CUL7: variants seen among roughly 807,000 people sequenced by gnomAD.
CUL7 encodes cullin-7.
A neutral mutation model predicts 177.7 loss-of-function variants in CUL7; 96 were observed. The observed-to-expected ratio is 0.54, with a 90% CI of 0.46 to 0.64. The LOEUF is 0.64. Ranked by LOEUF, CUL7 falls within the 30% of genes least tolerant of loss-of-function variation. CUL7 has a pLI of 0.00. For synonymous variants in CUL7, 824 were observed against 890.2 expected, an observed-to-expected ratio of 0.93 and a Z score of 1.32; for missense variants, 1,893 against 2,187.9, an observed-to-expected ratio of 0.87 and a Z score of 2.69.
intron 7 of CUL7, 66 bp downstream of exon 7, chr6:43,049,339 GCA>G: frequency 6.2e-7 from 1 of 1,605,762 alleles, no homozygotes; most frequent in African/African-American, 1.3e-5. Flanking sequence ...ATAAAAATCA[GCA>G]CAGACATCTC....
chr6:43,046,050 A>G lies in CUL7; in HGVS notation c.2702T>C (p.Met901Thr), dbSNP rs752663804. The G allele has an allele frequency of 1.2e-6, 2 of 1,614,184 alleles. No homozygotes were observed. The highest frequency in any genetic ancestry group is 1.7e-6 in the Non-Finnish European group (2 of 1,180,030). Residue 901 changes from methionine (M) to threonine (T), a missense_variant, in exon 13 of 26, where the codon ATG becomes ACG. This residue lies in a region of CUL7 where 973 missense variants were observed against 1,140.9 expected (regional missense o/e 0.85). Coordinates refer to ENST00000265348, the MANE Select transcript of CUL7 (RefSeq NM_014780.5). ...CCCGCACACCACCACTCGGGCCGGC[A>G]TGTAACTCGAGTCCTCACTAGCCAC... ...LLVASEDSSY[M>T]PARVVVCGGD... is the part of the protein sequence containing the mutation.
In CUL7 at chr6:43,051,410, AG is replaced by A; in HGVS notation, c.790del (p.Leu264TrpfsTer4). 6.2e-7 allele frequency: 1 copy of A among 1,614,144 alleles called. No individual in the cohort carries two copies. Among genetic ancestry groups the A allele is most frequent in the Non-Finnish European group, 8.5e-7 (1 of 1,180,026 alleles). ...CGCAGCACTGTCGTTCAGCTGATCC[AG>A]GAGCGAGGTGACATGCAAATACCGC... The part of the protein sequence containing the change: ...VKRYLHVTSL[L>X]DQLNDSAAEP... On this transcript the variant is annotated frameshift_variant, in exon 4 of 26. Transcript: ENST00000265348. LOFTEE classifies it high-confidence loss of function. This position sits in a 1 kb window ranked among gnomAD's most constrained non-coding sequence, Gnocchi z 5.0.
At chr6:43,046,159 T>G (rs1763883339) in intron 12 of CUL7, 68 bp from the exon 13 acceptor site, 1 of 1,612,142 alleles carries the variant, frequency 6.2e-7, no homozygotes. Context: ...CAGGGGGTGG[T>G]GCTTCCCCCA....
rs747285709 is a variant in CUL7 at position 43,037,957 on chromosome 6, G to C, written c.4828C>G (p.Leu1610Val). The change falls in exon 26 of 26, where the codon CTT becomes GTT. Residue 1610 changes from leucine (L) to valine (V), a missense_variant. Around this residue, in one of 5 missense-constraint regions of CUL7, gnomAD observed 248 missense variants for 262.5 expected, o/e 0.94. Coordinates refer to ENST00000265348, the MANE Select transcript of CUL7 (RefSeq NM_014780.5). ...CTGCTGCATGCAGACCCCTTACCAA[G>C]GCTGCTGACCAAACCCCTGGGAGGA... ...PCPPRGLVSSLGKGSACSSTD... is the reference protein window; with the variant it reads ...PCPPRGLVSSVGKGSACSSTD... 9 of 1,597,522 alleles carry C rather than the reference G, an allele frequency of 5.6e-6. No individual in the cohort carries two copies. The highest frequency in any genetic ancestry group is 1.7e-5 in the Admixed American group (1 of 59,174).
At position 43,039,001 on chromosome 6, in the gene CUL7, G is replaced by C. The variant is rs144154816; in HGVS notation, c.4295-14C>G. ...GGTGGCTCTGACCTGGACCAGGAAGGGGGAGGGAGACAAAGAGCAGGTGAA... is the reference window on the plus strand; with the variant it reads ...GGTGGCTCTGACCTGGACCAGGAAGCGGGAGGGAGACAAAGAGCAGGTGAA... On this transcript the variant is annotated splice_polypyrimidine_tract_variant and intron_variant, in intron 22 of 25. Coordinates refer to ENST00000265348, the MANE Select transcript of CUL7 (RefSeq NM_014780.5). The C allele has an allele frequency of 5.7e-6, 9 of 1,586,744 alleles. No homozygotes were observed. Among genetic ancestry groups the C allele is most frequent in the African/African-American group, 4.0e-5 (3 of 74,364 alleles).
chr6:43,045,317 C>T lies in CUL7; in HGVS notation c.2948G>A (p.Arg983His), dbSNP rs201981113. The change falls in exon 15 of 26, where the codon CGT becomes CAT. Residue 983 changes from arginine (R) to histidine (H), a missense_variant. Physicochemically the swap from Arg to His is conservative, Grantham distance 29. Transcript: ENST00000265348. This position sits in a 1 kb window ranked among gnomAD's most constrained non-coding sequence, Gnocchi z 4.8. ...AACCATGTAGAAGAGGCGTGTGTGA[C>T]GACAGAGCTGCTCCCGGAACACTGG... Reference protein sequence around the residue: ...FWPVFREQLCRHTRLFYMVRA... With the variant: ...FWPVFREQLCHHTRLFYMVRA... 1.4e-4 allele frequency: 218 copies of T among 1,614,220 alleles called. No homozygotes were observed. Among genetic ancestry groups the T allele is most frequent in the Middle Eastern group, 1.6e-4 (1 of 6,062 alleles).
Position 43,053,765 on chromosome 6 carries a change from G to GAACA in CUL7, c.-156_-153dup. On this transcript the variant is annotated 5_prime_UTR_variant, in exon 1 of 26. Coordinates refer to ENST00000265348, the MANE Select transcript of CUL7 (RefSeq NM_014780.5). The surrounding 1 kb of genome is among the most constrained non-coding windows in gnomAD (Gnocchi z 4.1). ...AGACGGGAGGGGGCGTGCCTCCGCGGAACAGAGCTGCACCCGCGTGAGTCG... is the reference window on the plus strand; with the variant it reads ...AGACGGGAGGGGGCGTGCCTCCGCGGAACAAACAGAGCTGCACCCGCGTGAGTCG... The GAACA allele has an allele frequency of 6.6e-7, 1 of 1,524,062 alleles. No individual in the cohort carries two copies. Among genetic ancestry groups the GAACA allele is most frequent in the Middle Eastern group, 2.2e-4 (1 of 4,552 alleles). 94.4% of individuals were successfully genotyped at this position (1,524,062 alleles called of 1,614,324 possible).
At chr6:43,044,156 C>G (rs940809146) in intron 16 of CUL7, among the ~76,000 whole-genome samples, 1 of 151,934 alleles carries the variant, frequency 6.6e-6, no homozygotes, top group South Asian at 2.1e-4. Context: ...AACCCCATCT[C>G]TACTAAAAAT....
chr6:43,046,461 A>T lies in CUL7; in HGVS notation c.2488+50T>A, dbSNP rs761261467. 7.4e-6 allele frequency: 12 copies of T among 1,613,978 alleles called. No individual in the cohort carries two copies. In the Admixed American group the frequency reaches 2.0e-4, roughly 27 times the overall value. ...CACGGTCAGGTAGGGTGTAGAGGGG[A>T]AACAGACATAGGTGTGGGGAGGTGG... On this transcript the variant is annotated intron_variant, in intron 11 of 25. Coordinates refer to ENST00000265348, the MANE Select transcript of CUL7 (RefSeq NM_014780.5).
chr6:43,044,077 C>T (rs1763681823), intron 16 of CUL7, among the ~76,000 whole-genome samples: 1 of 151,918 alleles, frequency 6.6e-6, no homozygotes, highest in Non-Finnish European at 1.5e-5. Context: ...AATCCCAGCA[C>T]TTTGGGAGAC....
At chr6:43,042,488 G>A (rs1763528818) in intron 19 of CUL7, among the ~76,000 whole-genome samples, 1 of 152,126 alleles carries the variant, frequency 6.6e-6, no homozygotes, top group South Asian at 2.1e-4. Flanking sequence ...ATACAGGCAT[G>A]TGCCACCATG....
rs755821853 is a variant in CUL7 at position 43,052,667 on chromosome 6, CG to C, written c.121del (p.Arg41ValfsTer74). ...ATCGCCACGCCGCAGGATGAGCCAA[CG>C]GATCTGGTACTCAGGATGCCCATCA... The part of the protein sequence containing the change: ...GHDGHPEYQI[R>X]WLILRRGDEG... On this transcript the variant is annotated frameshift_variant, in exon 2 of 26. Transcript: ENST00000265348. LOFTEE classifies it high-confidence loss of function. The surrounding 1 kb of genome is among the most constrained non-coding windows in gnomAD (Gnocchi z 4.5). 2 of 1,614,190 alleles carry C rather than the reference CG, an allele frequency of 1.2e-6. No individual in the cohort carries two copies. Among genetic ancestry groups the C allele is most frequent in the East Asian group, 2.2e-5 (1 of 44,884 alleles).
rs1163236978 is a variant in CUL7, at chr6:43,045,241, C to T, written c.3024G>A (p.Leu1008=). 5 of 1,614,032 alleles carry T rather than the reference C, an allele frequency of 3.1e-6. No homozygotes were observed. The highest frequency in any genetic ancestry group is 4.2e-6 in the Non-Finnish European group (5 of 1,179,940). The change falls in exon 15 of 26, where the codon CTG becomes CTA. Residue 1008 remains leucine (L), a synonymous_variant. Transcript: ENST00000265348. This position sits in a 1 kb window ranked among gnomAD's most constrained non-coding sequence, Gnocchi z 4.8. ...QDMAEDRRSL[L]HLSSRLNGAL... is the part of the protein sequence containing the mutation. ...CTCTCACACACCTAGAACTCAGGTG[C>T]AGGAGGCTCCTGCGGTCCTCTGCCA...
In CUL7 at chr6:43,043,395, G is replaced by A; in HGVS notation, c.3355+53C>T. The A allele has an allele frequency of 6.4e-7, 1 of 1,556,692 alleles. No homozygotes were observed. Among genetic ancestry groups the A allele is most frequent in the Non-Finnish European group, 8.9e-7 (1 of 1,129,478 alleles). On this transcript the variant is annotated intron_variant, in intron 17 of 25. Coordinates refer to ENST00000265348, the MANE Select transcript of CUL7 (RefSeq NM_014780.5). This position sits in a 1 kb window ranked among gnomAD's most constrained non-coding sequence, Gnocchi z 4.2. Reference sequence around the variant, plus strand: ...CAGAAGCCTGTGGTGTACACATGGGGCCCAGGAAAACGCTCCTGACTAGAG... The same window carrying A: ...CAGAAGCCTGTGGTGTACACATGGGACCCAGGAAAACGCTCCTGACTAGAG...
At chr6:43,046,134 G>A in intron 12 of CUL7, 43 bp from the exon 13 acceptor site, 1 of 1,610,210 alleles carries the variant, frequency 6.2e-7, no homozygotes. Flanking sequence ...TGTAGACAGG[G>A]CCCATGGCCA....
rs775612701 is a variant in CUL7 at position 43,040,297 on chromosome 6, C to A, written c.4153G>T (p.Ala1385Ser). 1.9e-6 allele frequency: 3 copies of A among 1,614,082 alleles called. No individual in the cohort carries two copies. The South Asian group carries it at 3.3e-5, about 18-fold the overall frequency. ...ACAAGCACAGACACTTCTGGCATTG[C>A]CCCTTCATAGTAGAGGTCCTCATTC... ...EENEDLYYEG[A>S]MPEVSVLVLS... The change falls in exon 22 of 26, where the codon GCA becomes TCA. Residue 1385 changes from alanine (A) to serine (S), a missense_variant. By Grantham distance (99) the Ala-to-Ser change is moderately conservative. Coordinates refer to ENST00000265348, the MANE Select transcript of CUL7 (RefSeq NM_014780.5). This position sits in a 1 kb window ranked among gnomAD's most constrained non-coding sequence, Gnocchi z 4.2.
chr6:43,042,320 T>G (rs1763502406), intron 19 of CUL7, among the ~76,000 whole-genome samples: 1 of 152,054 alleles, frequency 6.6e-6, no homozygotes, highest in Non-Finnish European at 1.5e-5. Context: ...AGCTCATCAA[T>G]TGTGGGGGGT....
In CUL7 at chr6:43,048,012, A is replaced by G. The variant is rs575968352; in HGVS notation, c.2169+136T>C. On this transcript the variant is annotated intron_variant, in intron 9 of 25. Transcript: ENST00000265348. ...TACCTATTTAAAAAAAATAAAATTC[A>G]ATTTTAAAAGCAAAACTCAAACCAA... The G allele has an allele frequency of 4.7e-6, 3 of 639,066 alleles. No homozygotes were observed. In the South Asian group the frequency reaches 5.2e-5, roughly 11 times the overall value. The allele number at this position is 639,066 out of a possible 1,614,324, so 39.6% of individuals were successfully genotyped here.
rs762865099 is a variant in CUL7, at chr6:43,037,886, C to T, written c.4899G>A (p.Thr1633=). The T allele has an allele frequency of 1.4e-5, 22 of 1,613,484 alleles. No individual in the cohort carries two copies. The highest frequency in any genetic ancestry group is 8.0e-5 in the African/African-American group (6 of 74,888). Residue 1633 remains threonine, a synonymous_variant, in exon 26 of 26, where the codon ACG becomes ACA. Transcript: ENST00000265348. ...SCILHLLGKG[T]LRRHDDRPQV... is the part of the protein sequence containing the mutation. ...GGGGCCGGTCGTCATGGCGTCTCAG[C>T]GTGCCCTTGCCCAGGAGGTGTAGGA...
Sources: allele counts gnomAD v4.1 joint callset (sites outside exome capture counted in the v4.1 genomes callset), GRCh38; gene constraint gnomAD v4.1.1; regional missense constraint gnomAD v4.1.1; non-coding constraint Gnocchi (gnomAD v3.1); transcripts MANE v1.5; gene names NCBI Gene and HGNC (gene_info 2026-07-23, HGNC 2026-07-21).